The following SHC4 variants were observed in gnomAD, a reference collection of about 807,000 sequenced individuals.
The protein encoded by SHC4 is SHC adaptor protein 4.
A neutral mutation model predicts 69.4 loss-of-function variants in SHC4; 41 were observed. The ratio of observed to expected loss-of-function variants is 0.59; its 90% CI spans 0.46 to 0.77. The LOEUF (loss-of-function observed/expected upper bound fraction) is 0.77. SHC4 is among the 30% of genes least tolerant of loss of function. SHC4 has a pLI of 0.00. For missense variants in SHC4, 777 were observed against 783.8 expected, an observed-to-expected ratio of 0.99 and a Z score of 0.10; for synonymous variants, 318 against 299.3, an observed-to-expected ratio of 1.06 and a Z score of -0.64.
chr15:48,929,637 G>A (rs890173996), intron 1 of SHC4, among the ~76,000 whole-genome samples: 1 of 152,218 alleles, frequency 6.6e-6, no homozygotes, highest in East Asian at 1.9e-4. Context: ...CAGGAACACG[G>A]TGAACAGTGT....
At chr15:48,867,385 A>G (rs554237078) in intron 6 of SHC4, among the ~76,000 whole-genome samples, 3 of 152,316 alleles carry the variant, frequency 2.0e-5, no homozygotes, top group Admixed American at 2.0e-4. Flanking sequence ...TCAAGCATTC[A>G]AAGAGATAAT....
intron 2 of SHC4, among the ~76,000 whole-genome samples, chr15:48,896,231 C>T: frequency 7.0e-6 from 1 of 142,688 alleles, no homozygotes; most frequent in Non-Finnish European, 1.5e-5. Flanking sequence ...TCTCTCCCTC[C>T]CTCCCTCCCT....
chr15:48,828,916 A>T (rs1362361254), intron 11 of SHC4, among the ~76,000 whole-genome samples: 1 of 152,004 alleles, frequency 6.6e-6, no homozygotes, highest in East Asian at 1.9e-4. Flanking sequence ...TTGGATATTA[A>T]CTCCTTATCA....
At chr15:48,918,713 A>G (rs1453350680) in intron 2 of SHC4, among the ~76,000 whole-genome samples, 3 of 152,230 alleles carry the variant, frequency 2.0e-5, no homozygotes, top group African/African-American at 7.2e-5. Context: ...AAAATGTGAA[A>G]GTAATTTATT....
intron 2 of SHC4, 82 bp downstream of exon 2, chr15:48,924,797 G>C: frequency 1.4e-6 from 2 of 1,438,626 alleles, no homozygotes; most frequent in East Asian, 4.6e-5. Context: ...GAATTGGAAG[G>C]TTTGCATAAA....
chr15:48,953,923 T>C (rs768272056), intron 1 of SHC4, among the ~76,000 whole-genome samples: 14 of 152,214 alleles, frequency 9.2e-5, no homozygotes, highest in Non-Finnish European at 1.5e-5. Flanking sequence ...GTGTGAACTA[T>C]AATTTTTAGA....
intron 1 of SHC4, among the ~76,000 whole-genome samples, chr15:48,943,647 T>C (rs1034604991): frequency 2.0e-5 from 3 of 152,156 alleles, no homozygotes; most frequent in Admixed American, 2.0e-4. Flanking sequence ...ATATGACAGT[T>C]CTACTTTGAA....
At chr15:48,940,596 C>A (rs2141033387) in intron 1 of SHC4, among the ~76,000 whole-genome samples, 1 of 152,266 alleles carries the variant, frequency 6.6e-6, no homozygotes, top group Non-Finnish European at 1.5e-5. Context: ...CGTCAGTTAC[C>A]ATGTCTGGTC....
intron 4 of SHC4, chr15:48,876,947 T>C (rs1302588400): frequency 1.2e-5 from 2 of 167,806 alleles, no homozygotes; most frequent in East Asian, 1.6e-4. Context: ...CTGTGACCCA[T>C]TTGTGAATAA....
intron 10 of SHC4, among the ~76,000 whole-genome samples, chr15:48,836,888 T>C (rs1898909444): frequency 6.6e-6 from 1 of 152,218 alleles, no homozygotes; most frequent in Non-Finnish European, 1.5e-5. Context: ...CTGGAAACAC[T>C]CTCTTCTACA....
chr15:48,885,609 A>G (rs942080077), intron 3 of SHC4, among the ~76,000 whole-genome samples: 1 of 152,208 alleles, frequency 6.6e-6, no homozygotes, highest in Non-Finnish European at 1.5e-5. Context: ...TAAGGCAATC[A>G]ATGAAAACAC....
intron 8 of SHC4, among the ~76,000 whole-genome samples, chr15:48,855,249 TAAC>T (rs1247613941): frequency 1.3e-5 from 2 of 151,770 alleles, no homozygotes; most frequent in African/African-American, 2.4e-5. Context: ...ATTATAAAAA[TAAC>T]AACAACAAAA....
intron 9 of SHC4, among the ~76,000 whole-genome samples, chr15:48,845,494 T>C (rs951340009): frequency 1.3e-5 from 2 of 152,206 alleles, no homozygotes; most frequent in Admixed American, 6.5e-5. Context: ...GTTAAGTGGA[T>C]TTATAAGTTA....
At chr15:48,830,099 CT>C (rs1011983109) in intron 11 of SHC4, among the ~76,000 whole-genome samples, 22 of 152,044 alleles carry the variant, frequency 1.4e-4, no homozygotes, top group African/African-American at 5.3e-4. Flanking sequence ...TGTCTTAAAG[CT>C]TTTTTTGGTC....
chr15:48,896,834 T>C (rs1183916043), intron 2 of SHC4, among the ~76,000 whole-genome samples: 3 of 152,246 alleles, frequency 2.0e-5, no homozygotes, highest in Non-Finnish European at 4.4e-5. Context: ...ATTTTGTTGC[T>C]TTTGTTCACA....
chr15:48,935,042 A>ATTGTATACT (rs1279463596), intron 1 of SHC4, among the ~76,000 whole-genome samples: 2 of 152,158 alleles, frequency 1.3e-5, no homozygotes, highest in East Asian at 3.9e-4. Flanking sequence ...AAACCATTGA[A>ATTGTATACT]TTGTATACTT....
intron 7 of SHC4, 47 bp downstream of exon 7, chr15:48,857,645 C>A: frequency 1.4e-6 from 2 of 1,448,088 alleles, no homozygotes; most frequent in South Asian, 1.5e-5. Context: ...CAGATAAATG[C>A]ACACATATAT....
intron 7 of SHC4, among the ~76,000 whole-genome samples, chr15:48,857,096 A>C (rs539660058): frequency 6.6e-6 from 1 of 152,352 alleles, no homozygotes; most frequent in South Asian, 2.1e-4. Context: ...GCATCACTGC[A>C]TTCCACACTT....
intron 9 of SHC4, among the ~76,000 whole-genome samples, chr15:48,845,877 T>G (rs760918889): frequency 6.6e-6 from 1 of 152,326 alleles, no homozygotes; most frequent in African/African-American, 2.4e-5. Context: ...ACATGCATAT[T>G]AATATATTAG....
Sources: allele counts gnomAD v4.1 joint callset (sites outside exome capture counted in the v4.1 genomes callset), GRCh38; gene constraint gnomAD v4.1.1; transcripts MANE v1.5; gene names NCBI Gene and HGNC (gene_info 2026-07-23, HGNC 2026-07-21).